The following TMEM132B variants were observed in gnomAD, a reference collection of about 807,000 sequenced individuals.
TMEM132B encodes the protein transmembrane protein 132B.
Under a neutral mutation model 90.8 loss-of-function variants are expected in TMEM132B, and 18 were observed. That is an observed-to-expected ratio of 0.20 (90% CI 0.14 to 0.29). The LOEUF (loss-of-function observed/expected upper bound fraction) is 0.29, where lower values mean the gene tolerates loss of function less well. Among genes scored for constraint, TMEM132B ranks in the 10% least tolerant of loss-of-function variants. TMEM132B has a pLI of 1.00. For synonymous variants in TMEM132B, 504 were observed against 523.3 expected, an observed-to-expected ratio of 0.96 and a Z score of 0.50; for missense variants, 1,096 against 1,326.8, an observed-to-expected ratio of 0.83 and a Z score of 2.70.
chr12:125,650,459 C>T (rs1886876851), intron 6 of TMEM132B, among the ~76,000 whole-genome samples: 1 of 152,182 alleles, frequency 6.6e-6, no homozygotes, highest in Non-Finnish European at 1.5e-5. Context: ...AAGGCAGGAG[C>T]TGCCCTTGCC....
At chr12:125,494,563 GGAA>G (rs1203424195) in intron 3 of TMEM132B, among the ~76,000 whole-genome samples, 14 of 57,762 alleles carry the variant, frequency 2.4e-4, no homozygotes, top group African/African-American at 2.9e-4. Context: ...TCTCCTCCCT[GGAA>G]GAAATGGATG....
At chr12:125,590,313 A>G (rs1053257662) in intron 5 of TMEM132B, among the ~76,000 whole-genome samples, 1 of 152,202 alleles carries the variant, frequency 6.6e-6, no homozygotes, top group Admixed American at 6.5e-5. Context: ...CACAATATCT[A>G]TGATTATGTC....
At chr12:125,505,592 G>A (rs12313758) in intron 3 of TMEM132B, among the ~76,000 whole-genome samples, 4,487 of 151,930 alleles carry the variant, frequency 0.03, 233 homozygotes, top group African/African-American at 0.1. Flanking sequence ...CCAGCTACTC[G>A]GGAGGCTGAG....
chr12:125,610,201 C>T (rs79563402), intron 5 of TMEM132B, among the ~76,000 whole-genome samples: 232 of 151,968 alleles, frequency 1.5e-3, no homozygotes, highest in African/African-American at 5.0e-3. Context: ...TTCACTTTTT[C>T]CTTTCTAATC....
At chr12:125,453,921 G>A (rs914227945) in intron 3 of TMEM132B, among the ~76,000 whole-genome samples, 1 of 152,108 alleles carries the variant, frequency 6.6e-6, no homozygotes, top group African/African-American at 2.4e-5. Flanking sequence ...GTCCTGCCTT[G>A]TTAATTACTG....
At chr12:125,377,715 C>T (rs1173387596) in intron 2 of TMEM132B, among the ~76,000 whole-genome samples, 1 of 152,080 alleles carries the variant, frequency 6.6e-6, no homozygotes, top group Non-Finnish European at 1.5e-5. Flanking sequence ...AAAGGATTCT[C>T]TTGGAGTTGG....
intron 1 of TMEM132B, among the ~76,000 whole-genome samples, chr12:125,188,447 C>G (rs1260253155): frequency 3.3e-5 from 5 of 152,096 alleles, no homozygotes; most frequent in Non-Finnish European, 7.4e-5. Flanking sequence ...TCAGCATTTG[C>G]CTGGATGTGC....
At chr12:125,259,225 A>G (rs756170387) in intron 1 of TMEM132B, among the ~76,000 whole-genome samples, 4 of 152,156 alleles carry the variant, frequency 2.6e-5, no homozygotes, top group Non-Finnish European at 4.4e-5. Flanking sequence ...TGTCTCCCCC[A>G]CTAGATTAAA....
chr12:125,512,510 T>C (rs1260125509), intron 3 of TMEM132B, among the ~76,000 whole-genome samples: 1 of 152,222 alleles, frequency 6.6e-6, no homozygotes, highest in East Asian at 1.9e-4. Flanking sequence ...GAACCCAATT[T>C]CTTAGAGTAT....
chr12:125,326,113 C>T (rs1726682463), intron 1 of TMEM132B, among the ~76,000 whole-genome samples: 1 of 152,224 alleles, frequency 6.6e-6, no homozygotes, highest in African/African-American at 2.4e-5. Context: ...TCTGCACAAA[C>T]CCAGAGTCTC....
intron 1 of TMEM132B, among the ~76,000 whole-genome samples, chr12:125,335,902 G>A (rs1348479897): frequency 1.3e-5 from 2 of 152,234 alleles, no homozygotes; most frequent in African/African-American, 4.8e-5. Context: ...AAGGAGAATC[G>A]CTTGAATCTG....
chr12:125,246,801 A>T lies in TMEM132B; in HGVS notation c.67+59935A>T, dbSNP rs574875529. Among the ~76,000 whole-genome samples, 1 of 152,184 alleles carries T rather than the reference A, an allele frequency of 6.6e-6. No homozygotes were observed. Among genetic ancestry groups the T allele is most frequent in the Admixed American group, 6.5e-5 (1 of 15,288 alleles). ...GTGATGGATTTTGCAGTCTGGAGGC[A>T]TCTGTCATTTTGAATCCATCTGCTT... On this transcript the variant is annotated intron_variant, in intron 1 of 8. Coordinates refer to ENST00000682704, the MANE Select transcript of TMEM132B (RefSeq NM_001366854.1). This position sits in a 1 kb window ranked among gnomAD's most constrained non-coding sequence, Gnocchi z 4.2.
In TMEM132B at chr12:125,415,852, G is replaced by A. The variant is rs765621744; in HGVS notation, c.1106+175G>A. Among the ~76,000 whole-genome samples, 5 of 152,150 alleles carry A rather than the reference G, an allele frequency of 3.3e-5. No homozygotes were observed. Among genetic ancestry groups the A allele is most frequent in the African/African-American group, 4.8e-5 (2 of 41,424 alleles). Reference sequence around the variant, plus strand: ...CAGAGTTCACATTTATCACAGCGTCGGGTTTGGTAACCGCGTTTTAAATTT... The same window carrying A: ...CAGAGTTCACATTTATCACAGCGTCAGGTTTGGTAACCGCGTTTTAAATTT... On this transcript the variant is annotated intron_variant, in intron 3 of 8. Transcript: ENST00000682704. The surrounding 1 kb of genome is among the most constrained non-coding windows in gnomAD (Gnocchi z 5.3).
rs145514532 is a variant in TMEM132B, at chr12:125,337,330, C to T, written c.68-12122C>T. Among the ~76,000 whole-genome samples the T allele has an allele frequency of 1.5e-3, 228 of 152,276 alleles. 1 individual carries two copies. Among genetic ancestry groups the T allele is most frequent in the African/African-American group, 5.2e-3 (217 of 41,544 alleles). On this transcript the variant is annotated intron_variant, in intron 1 of 8. Transcript: ENST00000682704. ...TAACACAATAAAAGATTGCTTCCTG[C>T]TCACATCTAGTGTGGGTGTTCACAT...
chr12:125,330,983 G>C (rs1239703672), intron 1 of TMEM132B, among the ~76,000 whole-genome samples: 2 of 152,256 alleles, frequency 1.3e-5, no homozygotes, highest in African/African-American at 4.8e-5. Context: ...AGTGGGCCTT[G>C]GTGAAAGTCC....
At chr12:125,550,871 C>G (rs535888733) in intron 4 of TMEM132B, among the ~76,000 whole-genome samples, 1 of 116,338 alleles carries the variant, frequency 8.6e-6, no homozygotes, top group East Asian at 2.3e-4. Flanking sequence ...ATCTGCAGTG[C>G]AAGATCTCAC....
intron 2 of TMEM132B, among the ~76,000 whole-genome samples, chr12:125,396,336 T>C (rs1879168320): frequency 6.6e-6 from 1 of 152,148 alleles, no homozygotes; most frequent in Non-Finnish European, 1.5e-5. Flanking sequence ...ATGTCAGCAT[T>C]TCAGTCTAGG....
chr12:125,576,542 C>T (rs553918737), intron 4 of TMEM132B, among the ~76,000 whole-genome samples: 215 of 144,832 alleles, frequency 1.5e-3, no homozygotes, highest in Non-Finnish European at 2.7e-3. Context: ...ATCTTTGTCT[C>T]GTTCCTGATC....
chr12:125,629,927 A>C (rs1254167599), intron 5 of TMEM132B, among the ~76,000 whole-genome samples: 1 of 152,146 alleles, frequency 6.6e-6, no homozygotes, highest in Non-Finnish European at 1.5e-5. Context: ...TTCTGTTGAC[A>C]TGATGTATCA....
Sources: allele counts gnomAD v4.1 joint callset (sites outside exome capture counted in the v4.1 genomes callset), GRCh38; gene constraint gnomAD v4.1.1; non-coding constraint Gnocchi (gnomAD v3.1); transcripts MANE v1.5; gene names NCBI Gene and HGNC (gene_info 2026-07-23, HGNC 2026-07-21).